The following MGMT variants were observed in gnomAD, a reference collection of about 807,000 sequenced individuals.
The protein encoded by MGMT is O-6-methylguanine-DNA methyltransferase.
A neutral mutation model predicts 15.9 loss-of-function variants in MGMT; 14 were observed. The ratio of observed to expected loss-of-function variants is 0.88; its 90% CI spans 0.58 to 1.37. The LOEUF is 1.37. Ranked by LOEUF, MGMT falls within the 40% of genes most tolerant of loss-of-function variation. The pLI is 0.00. For synonymous variants in MGMT, 130 were observed against 118.2 expected, an observed-to-expected ratio of 1.10 and a Z score of -0.65; for missense variants, 282 against 268.1, an observed-to-expected ratio of 1.05 and a Z score of -0.36.
At chr10:129,675,441 G>A (rs1449704484) in intron 2 of MGMT, among the ~76,000 whole-genome samples, 2 of 152,180 alleles carry the variant, frequency 1.3e-5, no homozygotes, top group African/African-American at 2.4e-5. Context: ...GAAGAGTTAG[G>A]AGTGAAAACG....
At chr10:129,498,480 G>A (rs1589836635) in intron 1 of MGMT, among the ~76,000 whole-genome samples, 1 of 152,298 alleles carries the variant, frequency 6.6e-6, no homozygotes, top group East Asian at 1.9e-4. Flanking sequence ...GTAAGGAAGA[G>A]CTGTCTTTTC....
intron 2 of MGMT, among the ~76,000 whole-genome samples, chr10:129,696,322 A>G (rs11291420): frequency 4.1e-5 from 1 of 24,498 alleles, no homozygotes; most frequent in East Asian, 5.2e-4. Context: ...GCATTATATC[A>G]GGGGGTGGGG....
intron 2 of MGMT, among the ~76,000 whole-genome samples, chr10:129,608,791 A>T (rs1846924274): frequency 6.6e-6 from 1 of 152,212 alleles, no homozygotes; most frequent in Non-Finnish European, 1.5e-5. Context: ...CTTTCTGCCC[A>T]GGGGCAGGAG....
intron 3 of MGMT, among the ~76,000 whole-genome samples, chr10:129,738,275 C>A (rs755032886): frequency 3.3e-5 from 5 of 152,318 alleles, no homozygotes; most frequent in Admixed American, 6.5e-5. Flanking sequence ...TTTTTAAGCC[C>A]GTCGGAAAAG....
At chr10:129,757,374 C>T (rs567858412) in intron 3 of MGMT, among the ~76,000 whole-genome samples, 57 of 152,236 alleles carry the variant, frequency 3.7e-4, no homozygotes, top group Middle Eastern at 6.3e-3. Flanking sequence ...CGGAACTGCT[C>T]TGTGCTCCGG....
chr10:129,699,636 TA>T (rs1848073672), intron 2 of MGMT, among the ~76,000 whole-genome samples: 1 of 152,172 alleles, frequency 6.6e-6, no homozygotes, highest in Non-Finnish European at 1.5e-5. Flanking sequence ...GTTGAAGGCA[TA>T]AAAGCAAGGA....
At chr10:129,723,559 A>C (rs1848399318) in intron 3 of MGMT, among the ~76,000 whole-genome samples, 1 of 152,224 alleles carries the variant, frequency 6.6e-6, no homozygotes, top group African/African-American at 2.4e-5. Flanking sequence ...TTAATAAATT[A>C]AACTTTATTA....
chr10:129,723,005 CAAAAAA>C (rs3039560), intron 3 of MGMT, among the ~76,000 whole-genome samples: 3 of 60,274 alleles, frequency 5.0e-5, no homozygotes, highest in East Asian at 9.9e-4. Flanking sequence ...GACTCTATCA[CAAAAAA>C]AAAAAAAAAA....
chr10:129,630,516 C>T (rs1428506532), intron 2 of MGMT, among the ~76,000 whole-genome samples: 2 of 152,314 alleles, frequency 1.3e-5, no homozygotes, highest in Non-Finnish European at 2.9e-5. Context: ...TTTTCTTTCT[C>T]ATAATGCTCT....
chr10:129,643,881 G>A (rs534534146), intron 2 of MGMT, among the ~76,000 whole-genome samples: 1 of 152,258 alleles, frequency 6.6e-6, no homozygotes, highest in East Asian at 1.9e-4. Context: ...GACCTTTCAT[G>A]GATATGATGG....
intron 2 of MGMT, among the ~76,000 whole-genome samples, chr10:129,702,820 G>A (rs777600815): frequency 6.6e-5 from 10 of 152,212 alleles, no homozygotes; most frequent in Non-Finnish European, 1.3e-4. Context: ...CTGGGACGTG[G>A]CATTTCCATG....
intron 2 of MGMT, among the ~76,000 whole-genome samples, chr10:129,674,855 G>A (rs1375838902): frequency 6.6e-6 from 1 of 152,210 alleles, no homozygotes; most frequent in Non-Finnish European, 1.5e-5. Flanking sequence ...TGAAGATGTG[G>A]CCTCCCTGAC....
chr10:129,634,370 T>C (rs1847242840), intron 2 of MGMT, among the ~76,000 whole-genome samples: 1 of 152,228 alleles, frequency 6.6e-6, no homozygotes, highest in African/African-American at 2.4e-5. Context: ...CTTGTATCTG[T>C]GCATTTGCAG....
chr10:129,662,478 G>A (rs1445959269), intron 2 of MGMT, among the ~76,000 whole-genome samples: 24 of 152,054 alleles, frequency 1.6e-4, no homozygotes, highest in Admixed American at 1.3e-3. Context: ...GGTACCACTA[G>A]AATAAAAACA....
intron 1 of MGMT, among the ~76,000 whole-genome samples, chr10:129,499,353 A>G (rs1845553279): frequency 6.6e-6 from 1 of 152,174 alleles, no homozygotes; most frequent in African/African-American, 2.4e-5. Flanking sequence ...TTTCACCTTG[A>G]CTCTTGGAAA....
At chr10:129,571,942 A>G (rs934598777) in intron 2 of MGMT, among the ~76,000 whole-genome samples, 17 of 152,216 alleles carry the variant, frequency 1.1e-4, no homozygotes, top group Admixed American at 9.2e-4. Flanking sequence ...GGATTTTTCC[A>G]TTTGACAATT....
At chr10:129,764,934 G>C (rs944446925) in intron 4 of MGMT, among the ~76,000 whole-genome samples, 9 of 152,150 alleles carry the variant, frequency 5.9e-5, no homozygotes, top group African/African-American at 2.2e-4. Context: ...AAGGGAGGAA[G>C]GGGGGCCAGG....
chr10:129,479,317 T>C (rs1589828737), intron 1 of MGMT, among the ~76,000 whole-genome samples: 1 of 152,312 alleles, frequency 6.6e-6, no homozygotes, highest in East Asian at 1.9e-4. Context: ...GCGTTGGGCC[T>C]TGGGGATGTT....
chr10:129,498,679 T>C (rs1038814389), intron 1 of MGMT, among the ~76,000 whole-genome samples: 3 of 152,216 alleles, frequency 2.0e-5, no homozygotes, highest in African/African-American at 7.2e-5. Context: ...ATCGTTTTTC[T>C]AGCGCTTTCC....
Sources: allele counts gnomAD v4.1 joint callset (sites outside exome capture counted in the v4.1 genomes callset), GRCh38; gene constraint gnomAD v4.1.1; transcripts MANE v1.5; gene names NCBI Gene and HGNC (gene_info 2026-07-23, HGNC 2026-07-21).